Variants in ACO2 observed in about 807,000 individuals in gnomAD.
ACO2 encodes the protein aconitase 2.
In ACO2, 31 loss-of-function variants were observed where a neutral mutation model predicts 84.5. The observed-to-expected ratio is 0.37, with a 90% CI of 0.28 to 0.50. The LOEUF (loss-of-function observed/expected upper bound fraction) is 0.50. ACO2 is among the 20% of genes least tolerant of loss of function. The pLI is 0.97. For missense variants in ACO2, 685 were observed against 1,029.3 expected, an observed-to-expected ratio of 0.67 and a Z score of 4.58; for synonymous variants, 414 against 412.7, an observed-to-expected ratio of 1.00 and a Z score of -0.04.
At chr22:41,527,780 G>A (rs2066633850) in intron 16 of ACO2, 121 bp from the exon 17 acceptor site, 1 of 1,522,880 alleles carries the variant, frequency 6.6e-7, no homozygotes. Context: ...CATAGTCACT[G>A]CCCGGGCATT....
chr22:41,520,156 T>C lies in ACO2; in HGVS notation c.1033-15T>C. 1 of 1,605,662 alleles carries C rather than the reference T, an allele frequency of 6.2e-7. No homozygotes were observed. Among genetic ancestry groups the C allele is most frequent in the Non-Finnish European group, 8.5e-7 (1 of 1,173,256 alleles). On this transcript the variant is annotated splice_polypyrimidine_tract_variant and intron_variant, in intron 8 of 17. Coordinates refer to ENST00000216254, the MANE Select transcript of ACO2 (RefSeq NM_001098.3). ...CCCTCCTCTCTTTCTTCTCCTTGCATGTTTGTTTCTTCAGCTGAAGCCACA... is the reference window on the plus strand; with the variant it reads ...CCCTCCTCTCTTTCTTCTCCTTGCACGTTTGTTTCTTCAGCTGAAGCCACA...
intron 1 of ACO2, among the ~76,000 whole-genome samples, chr22:41,491,004 G>A (rs2066268032): frequency 6.6e-6 from 1 of 151,892 alleles, no homozygotes; most frequent in African/African-American, 2.4e-5. Context: ...GTCAAGGAGA[G>A]GTAAAGGGCA....
chr22:41,481,668 C>T (rs1396804004), intron 1 of ACO2, among the ~76,000 whole-genome samples: 1 of 152,150 alleles, frequency 6.6e-6, no homozygotes, highest in African/African-American at 2.4e-5. Context: ...GTGGGGTGGG[C>T]CCTTTTCCCA....
chr22:41,489,851 A>G (rs2066259312), intron 1 of ACO2, among the ~76,000 whole-genome samples: 1 of 151,742 alleles, frequency 6.6e-6, no homozygotes, highest in Non-Finnish European at 1.5e-5. Flanking sequence ...CTGTAAGTAA[A>G]CTTGCTGAAA....
intron 16 of ACO2, chr22:41,527,666 G>A: frequency 3.8e-6 from 3 of 785,504 alleles, no homozygotes; most frequent in South Asian, 1.8e-5. Flanking sequence ...TGTGCCAGGG[G>A]GTTCTTTCTG....
Position 41,469,192 on chromosome 22 carries a change from C to G in ACO2, c.36+10C>G. The G allele has an allele frequency of 6.2e-7, 1 of 1,606,806 alleles. No homozygotes were observed. The highest frequency in any genetic ancestry group is 8.5e-7 in the Non-Finnish European group (1 of 1,176,484). On this transcript the variant is annotated intron_variant, in intron 1 of 17. Transcript: ENST00000216254. ...GGTGACTCGGCTGCAGGTGAGCGAG[C>G]TCAGGGACCTCTGGGTTCACGGGGG...
intron 2 of ACO2, among the ~76,000 whole-genome samples, chr22:41,507,012 G>A (rs970861357): frequency 6.6e-6 from 1 of 151,962 alleles, no homozygotes; most frequent in African/African-American, 2.4e-5. Context: ...GGGAGAAGAC[G>A]GTTGAGTCCT....
intron 3 of ACO2, 46 bp downstream of exon 3, chr22:41,508,095 GC>G: frequency 6.3e-7 from 1 of 1,577,234 alleles, no homozygotes. Context: ...GCAAGACTGG[GC>G]GAGAGGCCTC....
chr22:41,510,868 G>C (rs541467144), intron 3 of ACO2, among the ~76,000 whole-genome samples: 1 of 152,266 alleles, frequency 6.6e-6, no homozygotes, highest in African/African-American at 2.4e-5. Context: ...TGGTCCCTTC[G>C]ACAGCCTTCC....
At chr22:41,525,472 G>A (rs775670618) in intron 14 of ACO2, 124 bp downstream of exon 14, 13 of 1,275,122 alleles carry the variant, frequency 1.0e-5, no homozygotes, top group East Asian at 2.4e-5. Context: ...GAGATGGAAG[G>A]GAGGTTTGGC....
chr22:41,520,028 A>C, intron 8 of ACO2, 143 bp from the exon 9 acceptor site: 1 of 677,676 alleles, frequency 1.5e-6, no homozygotes. Flanking sequence ...CCAACTGCTC[A>C]GTTCTTCCCT....
At chr22:41,525,437 G>A in intron 14 of ACO2, 89 bp downstream of exon 14, 1 of 1,522,136 alleles carries the variant, frequency 6.6e-7, no homozygotes, top group East Asian at 2.3e-5. Context: ...CCTGGAGGAA[G>A]TGAGCACAGT....
intron 13 of ACO2, 29 bp downstream of exon 13, chr22:41,524,997 T>G (rs765666003): frequency 6.2e-7 from 1 of 1,614,084 alleles, no homozygotes; most frequent in Non-Finnish European, 8.5e-7. Flanking sequence ...TGCTTGCTGG[T>G]TGCTGTGTGG....
At chr22:41,496,661 A>G (rs1041522620) in intron 1 of ACO2, among the ~76,000 whole-genome samples, 4 of 152,160 alleles carry the variant, frequency 2.6e-5, no homozygotes, top group Admixed American at 6.5e-5. Context: ...ATGCACACGC[A>G]CTGTGGAAGG....
intron 10 of ACO2, 100 bp from the exon 11 acceptor site, chr22:41,523,105 G>C: frequency 1.3e-6 from 2 of 1,543,426 alleles, no homozygotes; most frequent in Non-Finnish European, 1.8e-6. Context: ...TGGCTGCCCT[G>C]GGGTTCCAGT....
intron 9 of ACO2, among the ~76,000 whole-genome samples, chr22:41,520,597 C>T (rs1342023988): frequency 1.3e-5 from 2 of 151,682 alleles, no homozygotes; most frequent in African/African-American, 4.8e-5. Context: ...AATCCCAGCA[C>T]TTTGGGAGGC....
chr22:41,486,945 G>A (rs1303451595), intron 1 of ACO2, among the ~76,000 whole-genome samples: 1 of 151,632 alleles, frequency 6.6e-6, no homozygotes, highest in East Asian at 1.9e-4. Flanking sequence ...GTGCAGTGGC[G>A]CCATCTCGGC....
At chr22:41,481,442 T>C (rs2038085737) in intron 1 of ACO2, among the ~76,000 whole-genome samples, 1 of 152,196 alleles carries the variant, frequency 6.6e-6, no homozygotes, top group African/African-American at 2.4e-5. Context: ...GGTACATGGC[T>C]CCCCAACAAG....
intron 2 of ACO2, among the ~76,000 whole-genome samples, chr22:41,501,874 A>G (rs948522500): frequency 1.3e-5 from 2 of 152,128 alleles, no homozygotes; most frequent in Non-Finnish European, 2.9e-5. Flanking sequence ...GCATCATCTA[A>G]TTATAGTAAA....
Sources: allele counts gnomAD v4.1 joint callset (sites outside exome capture counted in the v4.1 genomes callset), GRCh38; gene constraint gnomAD v4.1.1; transcripts MANE v1.5; gene names NCBI Gene and HGNC (gene_info 2026-07-23, HGNC 2026-07-21).